SLC25A48: variants seen among roughly 807,000 people sequenced by gnomAD.
The protein encoded by SLC25A48 is CTC-321K16.1.
In SLC25A48, 29 loss-of-function variants were observed where a neutral mutation model predicts 32.2. The observed-to-expected ratio is 0.90, with a 90% CI of 0.67 to 1.23. The LOEUF is 1.23. SLC25A48 is among the 50% of genes most tolerant of loss of function. SLC25A48 has a pLI of 0.00. For missense variants in SLC25A48, 399 were observed against 422.7 expected, an observed-to-expected ratio of 0.94 and a Z score of 0.49; for synonymous variants, 164 against 172.3, an observed-to-expected ratio of 0.95 and a Z score of 0.38.
intron 3 of SLC25A48, among the ~76,000 whole-genome samples, chr5:135,675,396 A>G (rs923621503): frequency 6.6e-6 from 1 of 151,838 alleles, no homozygotes; most frequent in Non-Finnish European, 1.5e-5. Context: ...TTGAGGTCTT[A>G]GCCATAAAAC....
At chr5:135,624,737 CTG>C (rs1752404869) in intron 1 of SLC25A48, among the ~76,000 whole-genome samples, 1 of 152,208 alleles carries the variant, frequency 6.6e-6, no homozygotes, top group African/African-American at 2.4e-5. Context: ...GCGTTTGAGT[CTG>C]TAGATACATA....
chr5:135,804,523 C>T (rs1757419009), intron 3 of SLC25A48, among the ~76,000 whole-genome samples: 1 of 150,878 alleles, frequency 6.6e-6, no homozygotes, highest in Non-Finnish European at 1.5e-5. Flanking sequence ...GTGTGTGCAC[C>T]AACTGTGATA....
chr5:135,775,021 C>T (rs1220966197), intron 3 of SLC25A48, among the ~76,000 whole-genome samples: 1 of 151,654 alleles, frequency 6.6e-6, no homozygotes, highest in Non-Finnish European at 1.5e-5. Flanking sequence ...AATGATATTA[C>T]TGTCTGTATC....
At chr5:135,702,745 G>A (rs1437272655) in intron 3 of SLC25A48, among the ~76,000 whole-genome samples, 1 of 152,222 alleles carries the variant, frequency 6.6e-6, no homozygotes, top group African/African-American at 2.4e-5. Flanking sequence ...CAGGAAGCCT[G>A]TACAATATTG....
intron 3 of SLC25A48, among the ~76,000 whole-genome samples, chr5:135,653,048 G>A (rs1753154082): frequency 6.6e-6 from 1 of 152,206 alleles, no homozygotes; most frequent in Non-Finnish European, 1.5e-5. Flanking sequence ...TGAGAACACA[G>A]CGTTCATCCT....
chr5:135,712,299 A>C (rs573865079), intron 3 of SLC25A48, among the ~76,000 whole-genome samples: 19 of 152,320 alleles, frequency 1.2e-4, no homozygotes, highest in Non-Finnish European at 2.5e-4. Context: ...GAAGAATAGA[A>C]TCTTCCAGGT....
intron 3 of SLC25A48, among the ~76,000 whole-genome samples, chr5:135,724,508 G>C (rs1755042716): frequency 6.6e-6 from 1 of 152,228 alleles, no homozygotes; most frequent in Non-Finnish European, 1.5e-5. Context: ...CTTCCCCACA[G>C]TGCGTCTCTC....
intron 4 of SLC25A48, among the ~76,000 whole-genome samples, chr5:135,855,140 A>G (rs901946668): frequency 6.6e-6 from 1 of 152,246 alleles, no homozygotes; most frequent in African/African-American, 2.4e-5. Flanking sequence ...CATAACAGAT[A>G]TAATGATTAT....
chr5:135,807,573 A>G (rs901051580), intron 3 of SLC25A48, among the ~76,000 whole-genome samples: 3 of 150,446 alleles, frequency 2.0e-5, no homozygotes, highest in African/African-American at 7.3e-5. Context: ...TTTTATTAAT[A>G]GTATAGTGTT....
At chr5:135,641,266 A>G (rs1214915682) in intron 3 of SLC25A48, among the ~76,000 whole-genome samples, 2 of 152,236 alleles carry the variant, frequency 1.3e-5, no homozygotes, top group African/African-American at 4.8e-5. Flanking sequence ...AAATAAATGT[A>G]GAAATAGATT....
chr5:135,800,201 A>C (rs1487602179), intron 3 of SLC25A48, among the ~76,000 whole-genome samples: 2 of 151,718 alleles, frequency 1.3e-5, no homozygotes, highest in Non-Finnish European at 2.9e-5. Context: ...TATTACTATC[A>C]ATATCACTGG....
At chr5:135,655,349 C>G (rs1161414191) in intron 3 of SLC25A48, among the ~76,000 whole-genome samples, 1 of 152,184 alleles carries the variant, frequency 6.6e-6, no homozygotes, top group Non-Finnish European at 1.5e-5. Context: ...TCTGTGCTCC[C>G]TGTCTCAAGG....
At chr5:135,736,630 G>T (rs911814386) in intron 3 of SLC25A48, among the ~76,000 whole-genome samples, 3 of 152,088 alleles carry the variant, frequency 2.0e-5, no homozygotes, top group Non-Finnish European at 2.9e-5. Context: ...CAGAAAAGTG[G>T]TGCTTGCTGC....
chr5:135,625,572 C>T (rs1752424162), intron 1 of SLC25A48, among the ~76,000 whole-genome samples: 2 of 152,152 alleles, frequency 1.3e-5, no homozygotes, highest in Admixed American at 6.5e-5. Context: ...CATGGATTGC[C>T]TACCTCTGCA....
At chr5:135,877,465 A>G (rs1264998026) in intron 6 of SLC25A48, among the ~76,000 whole-genome samples, 1 of 150,862 alleles carries the variant, frequency 6.6e-6, no homozygotes, top group Non-Finnish European at 1.5e-5. Flanking sequence ...TCACTCCAGG[A>G]AACCTGAACT....
chr5:135,590,112 C>T (rs1751482460), intron 1 of SLC25A48, among the ~76,000 whole-genome samples: 1 of 152,126 alleles, frequency 6.6e-6, no homozygotes, highest in Admixed American at 6.5e-5. Context: ...CTGGGAATAG[C>T]GATTTGGGAA....
intron 3 of SLC25A48, among the ~76,000 whole-genome samples, chr5:135,763,839 C>T (rs1756127823): frequency 6.6e-6 from 1 of 152,058 alleles, no homozygotes; most frequent in East Asian, 1.9e-4. Flanking sequence ...GCTTACAATT[C>T]AGCATCCGTC....
intron 3 of SLC25A48, among the ~76,000 whole-genome samples, chr5:135,734,749 G>A (rs1307702769): frequency 1.3e-5 from 2 of 151,510 alleles, no homozygotes; most frequent in African/African-American, 2.4e-5. Context: ...CCTGGGAGGC[G>A]GAGCTTGCAG....
intron 3 of SLC25A48, among the ~76,000 whole-genome samples, chr5:135,661,329 A>G (rs1753391362): frequency 1.3e-5 from 2 of 152,190 alleles, no homozygotes; most frequent in Admixed American, 1.3e-4. Context: ...CTAAATTGCC[A>G]AAGGTTGGCC....
Sources: allele counts gnomAD v4.1 joint callset (sites outside exome capture counted in the v4.1 genomes callset), GRCh38; gene constraint gnomAD v4.1.1; transcripts MANE v1.5; gene names NCBI Gene and HGNC (gene_info 2026-07-23, HGNC 2026-07-21).